Variants in ADGRL3 observed in about 807,000 individuals in gnomAD.
ADGRL3 encodes calcium-independent alpha-latrotoxin receptor 3.
ADGRL3 carries 62 observed loss-of-function variants against 153.5 expected under a neutral mutation model. The ratio of observed to expected loss-of-function variants is 0.40; its 90% CI spans 0.33 to 0.50. ADGRL3 has a LOEUF of 0.50. Ranked by LOEUF, ADGRL3 falls within the 20% of genes least tolerant of loss-of-function variation. The pLI is 0.47. For synonymous variants in ADGRL3, 710 were observed against 672.5 expected (o/e 1.06, Z -0.86); for missense variants, 1,641 against 1,859.4 (o/e 0.88, Z 2.16).
At chr4:61,597,093 G>T (rs1469415931) in intron 5 of ADGRL3, among the ~76,000 whole-genome samples, 1 of 151,240 alleles carries the variant, frequency 6.6e-6, no homozygotes, top group Non-Finnish European at 1.5e-5. Flanking sequence ...TTTTGTTCTG[G>T]CTCAAAAAGA....
At chr4:61,946,070 T>C (rs542457454) in intron 15 of ADGRL3, among the ~76,000 whole-genome samples, 51 of 152,320 alleles carry the variant, frequency 3.3e-4, no homozygotes, top group African/African-American at 1.2e-3. Context: ...TATCCCCATA[T>C]ATTGTGGTGG....
rs2098927924 is a variant in ADGRL3, at chr4:61,947,031, A to G, written c.2537A>G (p.Asn846Ser). Residue 846 changes from asparagine (N) to serine (S), a missense_variant, in exon 16 of 27, where the codon AAT (asparagine) becomes AGT (serine). Asn to Ser is a conservative substitution (Grantham distance 46). This residue lies in a region of ADGRL3 where 734 missense variants were observed against 797.0 expected (regional missense o/e 0.92). Coordinates refer to ENST00000683033, the MANE Select transcript of ADGRL3 (RefSeq NM_001387552.1). ...ALSTNHSVIV[N>S]SPVITAAINK... ...TCCACAAATCATTCTGTTATTGTCAATTCCCCTGTTATTACGGCAGCAATA... is the reference window on the plus strand; with the variant it reads ...TCCACAAATCATTCTGTTATTGTCAGTTCCCCTGTTATTACGGCAGCAATA... The G allele has an allele frequency of 6.2e-7, 1 of 1,613,682 alleles. No homozygotes were observed. Among genetic ancestry groups the G allele is most frequent in the African/African-American group, 1.3e-5 (1 of 74,884 alleles).
chr4:61,373,562 A>G (rs1274376978), intron 1 of ADGRL3, among the ~76,000 whole-genome samples: 1 of 152,214 alleles, frequency 6.6e-6, no homozygotes, highest in Non-Finnish European at 1.5e-5. Flanking sequence ...CGAATTGATT[A>G]CATTTAATAA....
chr4:61,647,242 G>A (rs1289771868), intron 5 of ADGRL3, among the ~76,000 whole-genome samples: 1 of 152,182 alleles, frequency 6.6e-6, no homozygotes, highest in Admixed American at 6.5e-5. Context: ...CGTCTTCTGC[G>A]TGGCTCACGC....
At chr4:61,310,732 GT>G (rs34156856) in intron 1 of ADGRL3, among the ~76,000 whole-genome samples, 17,647 of 145,812 alleles carry the variant, frequency 0.12, 1,157 homozygotes, top group African/African-American at 0.18. Flanking sequence ...TGTAAGATCA[GT>G]TTTTTTTTTT....
rs372274684 is a variant in ADGRL3 at position 62,065,572 on chromosome 4, A to C, written c.3815-2594A>C. ...AAATGAAGATTTTCACCCTATCTGGAAATTAAATGTATTCTACTCTATTCA... is the reference window on the plus strand; with the variant it reads ...AAATGAAGATTTTCACCCTATCTGGCAATTAAATGTATTCTACTCTATTCA... On this transcript the variant is annotated intron_variant, in intron 25 of 26. Coordinates refer to ENST00000683033, the MANE Select transcript of ADGRL3 (RefSeq NM_001387552.1). 1.2e-4 allele frequency among the ~76,000 whole-genome samples: 18 copies of C among 152,148 alleles called. No individual in the cohort carries two copies. In the South Asian group the frequency reaches 1.2e-3, roughly 11 times the overall value.
intron 4 of ADGRL3, among the ~76,000 whole-genome samples, chr4:61,563,518 T>A (rs971889602): frequency 6.6e-6 from 1 of 152,214 alleles, no homozygotes; most frequent in Non-Finnish European, 1.5e-5. Context: ...AGGCATTGAC[T>A]ATTCTCAGCT....
At chr4:61,749,003 C>G (rs1336777281) in intron 8 of ADGRL3, among the ~76,000 whole-genome samples, 2 of 151,508 alleles carry the variant, frequency 1.3e-5, no homozygotes, top group Non-Finnish European at 2.9e-5. Context: ...TGAACTCAAA[C>G]AAATTTACAA....
At chr4:61,799,038 T>TATACAC (rs1411460409) in intron 8 of ADGRL3, among the ~76,000 whole-genome samples, 2 of 115,730 alleles carry the variant, frequency 1.7e-5, no homozygotes, top group African/African-American at 7.0e-5. Flanking sequence ...TATATATATA[T>TATACAC]ACCATATATT....
intron 8 of ADGRL3, among the ~76,000 whole-genome samples, chr4:61,776,002 G>A (rs2097145207): frequency 1.3e-5 from 2 of 152,122 alleles, no homozygotes; most frequent in Admixed American, 6.5e-5. Flanking sequence ...GAGGGTTCAT[G>A]CCATTCTCCT....
intron 4 of ADGRL3, among the ~76,000 whole-genome samples, chr4:61,526,291 C>T (rs1292574864): frequency 6.6e-6 from 1 of 151,968 alleles, no homozygotes; most frequent in Non-Finnish European, 1.5e-5. Flanking sequence ...TTCATAAATC[C>T]CATATTTTTA....
intron 1 of ADGRL3, among the ~76,000 whole-genome samples, chr4:61,246,911 A>G (rs572376965): frequency 1.6e-4 from 25 of 152,048 alleles, no homozygotes; most frequent in Non-Finnish European, 3.5e-4. Flanking sequence ...ATTGTGTGGC[A>G]TTAAAATTCA....
chr4:62,012,239 T>C lies in ADGRL3; in HGVS notation c.3395+13974T>C, dbSNP rs867984525. ...GAGTCACATACTCAAAACGTAGTCA[T>C]AGATTCTGAAGTAAAAGACAGGTGC... On this transcript the variant is annotated intron_variant, in intron 21 of 26. Transcript: ENST00000683033. Among the ~76,000 whole-genome samples, 10 of 152,312 alleles carry C rather than the reference T, an allele frequency of 6.6e-5. No homozygotes were observed. In the South Asian group the frequency reaches 1.0e-3, roughly 16 times the overall value.
intron 4 of ADGRL3, among the ~76,000 whole-genome samples, chr4:61,519,489 G>A (rs776218748): frequency 5.3e-5 from 8 of 152,156 alleles, no homozygotes; most frequent in Non-Finnish European, 1.2e-4. Flanking sequence ...GTCATGATGA[G>A]ATGATACTTT....
chr4:61,876,895 C>T (rs1447274666), intron 9 of ADGRL3, among the ~76,000 whole-genome samples: 3 of 125,442 alleles, frequency 2.4e-5, no homozygotes, highest in Non-Finnish European at 4.9e-5. Flanking sequence ...TCTCAATAAA[C>T]TTGCTTTCAC....
intron 5 of ADGRL3, among the ~76,000 whole-genome samples, chr4:61,662,791 A>G (rs749106899): frequency 6.6e-6 from 1 of 152,216 alleles, no homozygotes; most frequent in East Asian, 1.9e-4. Context: ...GACCAATCCC[A>G]TAAAAACCCT....
chr4:61,222,119 C>T (rs1383366621), intron 1 of ADGRL3, among the ~76,000 whole-genome samples: 2 of 151,976 alleles, frequency 1.3e-5, no homozygotes, highest in Admixed American at 1.3e-4. Context: ...TATGCTCATT[C>T]ATGTTTGTGT....
chr4:61,491,858 CTTGTT>C (rs763342747), intron 2 of ADGRL3, among the ~76,000 whole-genome samples: 59 of 152,080 alleles, frequency 3.9e-4, no homozygotes, highest in Non-Finnish European at 8.1e-4. Context: ...ATGGAGAAGG[CTTGTT>C]TTGATTTTTA....
At chr4:61,934,588 C>A (rs1384518219) in intron 13 of ADGRL3, among the ~76,000 whole-genome samples, 1 of 152,106 alleles carries the variant, frequency 6.6e-6, no homozygotes, top group African/African-American at 2.4e-5. Flanking sequence ...TTCTAAGAAG[C>A]AAGCATGCCT....
Sources: allele counts gnomAD v4.1 joint callset (sites outside exome capture counted in the v4.1 genomes callset), GRCh38; gene constraint gnomAD v4.1.1; regional missense constraint gnomAD v4.1.1; transcripts MANE v1.5; gene names NCBI Gene and HGNC (gene_info 2026-07-23, HGNC 2026-07-21).